HPSE2: variants seen among roughly 807,000 people sequenced by gnomAD.
HPSE2 encodes inactive heparanase-2.
In HPSE2, 38 loss-of-function variants were observed where a neutral mutation model predicts 60.5. The ratio of observed to expected loss-of-function variants is 0.63; its 90% CI spans 0.48 to 0.82. HPSE2 has a LOEUF of 0.82. Ranked by LOEUF, HPSE2 falls within the 40% of genes least tolerant of loss-of-function variation. The pLI is 0.00. For missense variants in HPSE2, 713 were observed against 740.4 expected, an observed-to-expected ratio of 0.96 and a Z score of 0.43; for synonymous variants, 295 against 293.2, an observed-to-expected ratio of 1.01 and a Z score of -0.06.
At chr10:98,619,487 TTCTC>T (rs548727839) in intron 8 of HPSE2, among the ~76,000 whole-genome samples, 1 of 152,172 alleles carries the variant, frequency 6.6e-6, no homozygotes, top group African/African-American at 2.4e-5. Context: ...CAGATTTTTT[TTCTC>T]TCTCTCTGTC....
intron 5 of HPSE2, among the ~76,000 whole-genome samples, chr10:98,716,463 A>G (rs1314694379): frequency 6.6e-6 from 1 of 150,832 alleles, no homozygotes; most frequent in African/African-American, 2.4e-5. Flanking sequence ...ATAAATAAAT[A>G]AATTTAAAAA....
intron 9 of HPSE2, among the ~76,000 whole-genome samples, chr10:98,583,498 A>G (rs1366751469): frequency 6.6e-6 from 1 of 152,206 alleles, no homozygotes; most frequent in East Asian, 1.9e-4. Flanking sequence ...TTTTACCTAG[A>G]AACTGCTGCC....
intron 3 of HPSE2, among the ~76,000 whole-genome samples, chr10:98,744,872 A>G (rs2134332057): frequency 6.6e-6 from 1 of 152,286 alleles, no homozygotes; most frequent in South Asian, 2.1e-4. Context: ...CAGATTTCTA[A>G]TATTTCTGAC....
chr10:99,010,980 T>C (rs909796944), intron 3 of HPSE2, among the ~76,000 whole-genome samples: 1 of 146,630 alleles, frequency 6.8e-6, no homozygotes, highest in African/African-American at 2.5e-5. Flanking sequence ...TACCCATCAG[T>C]TATATTTCCT....
At chr10:98,738,854 A>G (rs1379748630) in intron 4 of HPSE2, among the ~76,000 whole-genome samples, 1 of 152,226 alleles carries the variant, frequency 6.6e-6, no homozygotes, top group Admixed American at 6.5e-5. Flanking sequence ...AGAAATAGGA[A>G]TGCTTTTACA....
At chr10:99,181,846 C>A (rs988735251) in intron 2 of HPSE2, among the ~76,000 whole-genome samples, 1 of 151,966 alleles carries the variant, frequency 6.6e-6, no homozygotes, top group African/African-American at 2.4e-5. Flanking sequence ...CCTGCACATT[C>A]TGCACATGTA....
At chr10:98,825,008 T>C (rs185599919) in intron 3 of HPSE2, among the ~76,000 whole-genome samples, 4 of 152,314 alleles carry the variant, frequency 2.6e-5, no homozygotes, top group African/African-American at 9.6e-5. Context: ...GTGATAGTCA[T>C]TAGGGATACA....
intron 8 of HPSE2, among the ~76,000 whole-genome samples, chr10:98,618,866 G>A (rs772012138): frequency 9.9e-5 from 15 of 152,090 alleles, no homozygotes; most frequent in Non-Finnish European, 1.5e-4. Context: ...CGTGAGCCAC[G>A]GTGCCTGGCT....
the HPSE2 span, among the ~76,000 whole-genome samples, chr10:99,314,857 C>T: frequency 1.3e-5 from 2 of 152,148 alleles, no homozygotes; most frequent in African/African-American, 4.8e-5. Context: ...TACCAAACAT[C>T]CCATGGTGAT....
chr10:99,100,084 C>A (rs1258270391), intron 3 of HPSE2, among the ~76,000 whole-genome samples: 1 of 152,172 alleles, frequency 6.6e-6, no homozygotes, highest in African/African-American at 2.4e-5. Context: ...AATCAGAGCA[C>A]CTCTACTCCT....
At chr10:99,206,610 G>A (rs1226114431) in intron 2 of HPSE2, among the ~76,000 whole-genome samples, 1 of 151,546 alleles carries the variant, frequency 6.6e-6, no homozygotes. Flanking sequence ...TGGCAAATTG[G>A]CACTCCTAAC....
chr10:98,763,229 G>T (rs1021273987), intron 3 of HPSE2, among the ~76,000 whole-genome samples: 2 of 151,260 alleles, frequency 1.3e-5, no homozygotes, highest in Admixed American at 1.3e-4. Flanking sequence ...TCATGTCATT[G>T]GCATCCCAAA....
At chr10:99,188,614 C>A (rs902905814) in intron 2 of HPSE2, among the ~76,000 whole-genome samples, 2 of 152,074 alleles carry the variant, frequency 1.3e-5, no homozygotes, top group Non-Finnish European at 2.9e-5. Flanking sequence ...AAAAGCATGG[C>A]TATCATCTCC....
chr10:98,504,002 T>A (rs1000283881), intron 9 of HPSE2, among the ~76,000 whole-genome samples: 1 of 152,140 alleles, frequency 6.6e-6, no homozygotes, highest in Non-Finnish European at 1.5e-5. Flanking sequence ...CCCCAATAAC[T>A]TATGGGAAAA....
intron 11 of HPSE2, among the ~76,000 whole-genome samples, chr10:98,472,559 C>A (rs2133610593): frequency 6.6e-6 from 1 of 152,292 alleles, no homozygotes; most frequent in Middle Eastern, 3.4e-3. Context: ...TGAAGCCCTG[C>A]AGGGGTTAAC....
intron 3 of HPSE2, among the ~76,000 whole-genome samples, chr10:98,802,539 C>T (rs1205259899): frequency 1.5e-5 from 2 of 137,012 alleles, no homozygotes; most frequent in African/African-American, 5.5e-5. Context: ...TCTCATTGTT[C>T]AATTCCCACC....
chr10:99,178,764 T>C (rs1847637127), intron 2 of HPSE2, among the ~76,000 whole-genome samples: 1 of 152,200 alleles, frequency 6.6e-6, no homozygotes, highest in African/African-American at 2.4e-5. Context: ...CCCTAACTCA[T>C]TTTATGAGCC....
In HPSE2 at chr10:98,934,292, T is replaced by C. The variant is rs1954727348; in HGVS notation, c.611-190236A>G. Among the ~76,000 whole-genome samples, 2 of 144,408 alleles carry C rather than the reference T, an allele frequency of 1.4e-5. 1 individual carries two copies. Among genetic ancestry groups the C allele is most frequent in the African/African-American group, 5.6e-5 (2 of 35,608 alleles). The allele number at this position is 144,408 out of a possible 152,430, so 94.7% of individuals were successfully genotyped here. A position where few individuals can be genotyped will look rare whatever the true frequency, so the allele number is the denominator to read the frequency against. ...CATTTACATTTAAGGTTAATATTGT[T>C]ATGTGTGAATTTGATCCCATCATCA... On this transcript the variant is annotated intron_variant, in intron 3 of 11. Transcript: ENST00000370552.
chr10:98,510,978 A>C (rs1942370662), intron 9 of HPSE2, among the ~76,000 whole-genome samples: 1 of 152,238 alleles, frequency 6.6e-6, no homozygotes, highest in Non-Finnish European at 1.5e-5. Flanking sequence ...TAATTTGCTT[A>C]GAATTGAAAC....
Sources: allele counts gnomAD v4.1 joint callset (sites outside exome capture counted in the v4.1 genomes callset), GRCh38; gene constraint gnomAD v4.1.1; transcripts MANE v1.5; gene names NCBI Gene and HGNC (gene_info 2026-07-23, HGNC 2026-07-21).